The following RFLNA variants were observed in gnomAD, a reference collection of about 807,000 sequenced individuals.
RFLNA encodes refilin A.
Under a neutral mutation model 7.8 loss-of-function variants are expected in RFLNA, and 5 were observed. The ratio of observed to expected loss-of-function variants is 0.64; its 90% CI spans 0.34 to 1.35. RFLNA has a LOEUF of 1.35. Ranked by LOEUF, RFLNA falls within the 40% of genes most tolerant of loss-of-function variation. The pLI, the probability that RFLNA is intolerant of heterozygous loss-of-function variation, is 0.04. For missense variants in RFLNA, 278 were observed against 305.5 expected (o/e 0.91, Z 0.67); for synonymous variants, 141 against 131.3 (o/e 1.07, Z -0.50).
At position 124,295,424 on chromosome 12, in the gene RFLNA, C is replaced by T. The variant is rs1312791764; in HGVS notation, c.-6C>T. On this transcript the variant is annotated 5_prime_UTR_variant, in exon 1 of 3. Coordinates refer to ENST00000546355, the MANE Select transcript of RFLNA (RefSeq NM_001365156.1). ...GCGGGGGGCCCGCGCCCCGCGCCCC[C>T]CAGACATGGTGGGCCACCTGCATCT... The T allele has an allele frequency of 8.2e-6, 10 of 1,225,224 alleles. No homozygotes were observed. The highest frequency in any genetic ancestry group is 1.0e-5 in the Non-Finnish European group (10 of 985,198). 75.9% of individuals were successfully genotyped at this position (1,225,224 alleles called of 1,614,324 possible).
rs2033787915 is a variant in RFLNA at position 124,289,678 on chromosome 12, C to T, written c.-37+308C>T. On this transcript the variant is annotated intron_variant, in intron 1 of 2. Coordinates refer to the RFLNA transcript ENST00000324038. This position sits in a 1 kb window ranked among gnomAD's most constrained non-coding sequence, Gnocchi z 5.0. ...ACAGCTGCCCAGCAAAGGCGGGCTG[C>T]AGGCTCCGAGAGGACACGGGCTAAA... Among the ~76,000 whole-genome samples, 1 of 152,236 alleles carries T rather than the reference C, an allele frequency of 6.6e-6. No individual in the cohort carries two copies. The highest frequency in any genetic ancestry group is 6.5e-5 in the Admixed American group (1 of 15,282).
Position 124,295,552 on chromosome 12 carries a change from C to T in RFLNA, c.123C>T (p.Tyr41=), listed in dbSNP as rs1334352456. 2.9e-6 allele frequency: 3 copies of T among 1,045,330 alleles called. No individual in the cohort carries two copies. Among genetic ancestry groups the T allele is most frequent in the Non-Finnish European group, 3.6e-6 (3 of 843,290 alleles). 64.8% of individuals were successfully genotyped at this position (1,045,330 alleles called of 1,614,324 possible). A position where few individuals can be genotyped will look rare whatever the true frequency, so the allele number is the denominator to read the frequency against. The change falls in exon 1 of 3, where the codon TAC becomes TAT. Residue 41 remains tyrosine (Y), a synonymous_variant. Transcript: ENST00000546355. ...GCCCCAGCCCCAGCCCGCCCTTCTA[C>T]TCCCTGGCGCCCGGCATCCTCGACG... ...PPSPSPSPPF[Y]SLAPGILDAR...
chr12:124,305,350 C>T (rs755241423), intron 1 of RFLNA, among the ~76,000 whole-genome samples: 4 of 152,224 alleles, frequency 2.6e-5, no homozygotes, highest in East Asian at 1.9e-4. Flanking sequence ...GTCCTCCTAA[C>T]GGCCCACTTC....
upstream of RFLNA, among the ~76,000 whole-genome samples, chr12:124,294,452 A>G (rs899616886): frequency 6.6e-6 from 1 of 152,208 alleles, no homozygotes; most frequent in African/African-American, 2.4e-5. Flanking sequence ...ACAGTAAGGA[A>G]GGGAAACACG....
intron 1 of RFLNA, among the ~76,000 whole-genome samples, chr12:124,300,117 G>A (rs2033999597): frequency 6.6e-6 from 1 of 152,198 alleles, no homozygotes; most frequent in Non-Finnish European, 1.5e-5. Flanking sequence ...GCAAGCAAAG[G>A]ACTCAGCCTG....
At chr12:124,313,089 A>T (rs1380300541) in intron 2 of RFLNA, among the ~76,000 whole-genome samples, 3 of 152,148 alleles carry the variant, frequency 2.0e-5, no homozygotes, top group Non-Finnish European at 4.4e-5. Flanking sequence ...CAATCCCCAA[A>T]CAGCCTTCAT....
rs2033886984 is a variant in RFLNA at position 124,295,322 on chromosome 12, G to A, written c.-108G>A. 2 of 539,548 alleles carry A rather than the reference G, an allele frequency of 3.7e-6. No homozygotes were observed. The highest frequency in any genetic ancestry group is 8.9e-5 in the South Asian group (1 of 11,292). The allele number at this position is 539,548 out of a possible 1,614,324, so 33.4% of individuals were successfully genotyped here. A position where few individuals can be genotyped will look rare whatever the true frequency, so the allele number is the denominator to read the frequency against. On this transcript the variant is annotated 5_prime_UTR_variant, in exon 1 of 3. Transcript: ENST00000546355. The stretch of plus-strand genomic sequence containing the variant: ...ATCGCCGCCTCTCGCGGTGCCCGCA[G>A]GTCCCCGGGCGCGCAGCTCTCGCCC...
At chr12:124,304,291 C>G (rs1269416138) in intron 1 of RFLNA, among the ~76,000 whole-genome samples, 1 of 152,276 alleles carries the variant, frequency 6.6e-6, no homozygotes, top group Admixed American at 6.5e-5. Context: ...AGCCGTCTCA[C>G]CGCCCAGGCC....
intron 1 of RFLNA, among the ~76,000 whole-genome samples, chr12:124,310,244 C>T (rs529797278): frequency 5.0e-4 from 72 of 145,154 alleles, no homozygotes; most frequent in African/African-American, 1.8e-3. Context: ...GAAATCTCTA[C>T]TTCAAGATGC....
At chr12:124,314,155 T>A (rs1192757246) in intron 2 of RFLNA, 37 bp from the exon 3 acceptor site, 1 of 1,585,536 alleles carries the variant, frequency 6.3e-7, no homozygotes, top group East Asian at 2.2e-5. Flanking sequence ...CTGCCCCCAA[T>A]CCTGGGTTCA....
intron 1 of RFLNA, among the ~76,000 whole-genome samples, chr12:124,307,783 G>A (rs1312745095): frequency 6.6e-6 from 1 of 152,156 alleles, no homozygotes; most frequent in East Asian, 1.9e-4. Context: ...GGTGGCCTGA[G>A]GAAACAGAAC....
chr12:124,299,832 G>C (rs2033994570), intron 1 of RFLNA, among the ~76,000 whole-genome samples: 1 of 149,640 alleles, frequency 6.7e-6, no homozygotes, highest in African/African-American at 2.5e-5. Flanking sequence ...CTGCCTTTGA[G>C]CTCCCAGGGC....
chr12:124,300,232 CT>C (rs2034002840), intron 1 of RFLNA, among the ~76,000 whole-genome samples: 1 of 152,258 alleles, frequency 6.6e-6, no homozygotes, highest in Non-Finnish European at 1.5e-5. Context: ...GTGGCCTGGG[CT>C]CTGTCACCTT....
upstream of RFLNA, among the ~76,000 whole-genome samples, chr12:124,294,205 G>A (rs1185983371): frequency 6.6e-6 from 1 of 152,202 alleles, no homozygotes; most frequent in African/African-American, 2.4e-5. Flanking sequence ...GCTTTCTGCT[G>A]TAAGCTGAAT....
In RFLNA at chr12:124,306,802, C is replaced by T. The variant is rs142046056; in HGVS notation, c.208-5016C>T. On this transcript the variant is annotated intron_variant, in intron 1 of 2. Transcript: ENST00000546355. This position sits in a 1 kb window ranked among gnomAD's most constrained non-coding sequence, Gnocchi z 5.2. The stretch of plus-strand genomic sequence containing the variant: ...CTCATTGTCCAGGCAGGTATGGGGG[C>T]GGCGGGGAGGGGACAGATGTAGGAG... Among the ~76,000 whole-genome samples, 22 of 152,172 alleles carry T rather than the reference C, an allele frequency of 1.4e-4. No homozygotes were observed. Among genetic ancestry groups the T allele is most frequent in the South Asian group, 4.1e-4 (2 of 4,822 alleles).
At position 124,303,221 on chromosome 12, in the gene RFLNA, C is replaced by T. The variant is rs571192637; in HGVS notation, c.207+7585C>T. On this transcript the variant is annotated intron_variant, in intron 1 of 2. Coordinates refer to ENST00000546355, the MANE Select transcript of RFLNA (RefSeq NM_001365156.1). ...CGACAACAGAGCGGCTATCTTTCCT[C>T]GCCGGCCTGTGGGCTATGGCCTGTG... 7.2e-5 allele frequency among the ~76,000 whole-genome samples: 11 copies of T among 152,336 alleles called. No individual in the cohort carries two copies. The South Asian group carries it at 8.3e-4, about 11-fold the overall frequency.
upstream of RFLNA, among the ~76,000 whole-genome samples, chr12:124,291,348 A>G (rs994466521): frequency 6.6e-6 from 1 of 152,064 alleles, no homozygotes; most frequent in Non-Finnish European, 1.5e-5. Context: ...TCTGCCTCCC[A>G]GGTTCAAGGG....
intron 1 of RFLNA, among the ~76,000 whole-genome samples, chr12:124,296,008 GACCC>G (rs2033901914): frequency 6.6e-6 from 1 of 151,506 alleles, no homozygotes; most frequent in African/African-American, 2.4e-5. Context: ...CAGACATCTG[GACCC>G]GGCCCCTCTG....
At chr12:124,299,137 C>A (rs2033982822) in intron 1 of RFLNA, among the ~76,000 whole-genome samples, 1 of 152,268 alleles carries the variant, frequency 6.6e-6, no homozygotes, top group Admixed American at 6.5e-5. Context: ...CCATTCCACA[C>A]TCCCCAAATT....
Sources: gnomAD v4.1 joint callset for allele counts (sites outside exome capture counted in the v4.1 genomes callset) on GRCh38, gnomAD v4.1.1 for gene constraint, Gnocchi (gnomAD v3.1) non-coding constraint, MANE v1.5 for transcripts, NCBI Gene and HGNC (gene_info 2026-07-23, HGNC 2026-07-21) for gene names.